Variants in SV2C observed in about 807,000 individuals in gnomAD.
SV2C encodes the protein synaptic vesicle glycoprotein 2C.
In SV2C, 49 loss-of-function variants were observed where a neutral mutation model predicts 79.7. The ratio of observed to expected loss-of-function variants is 0.61; its 90% confidence interval spans 0.49 to 0.78. The LOEUF (loss-of-function observed/expected upper bound fraction) is 0.78. Ranked by LOEUF, SV2C falls within the 30% of genes least tolerant of loss-of-function variation. SV2C has a pLI of 0.00. For missense variants in SV2C, 833 were observed against 912.9 expected, an observed-to-expected ratio of 0.91 and a Z score of 1.13; for synonymous variants, 334 against 333.2, an observed-to-expected ratio of 1.00 and a Z score of -0.03.
the SV2C span, chr5:75,921,127 G>C: frequency 1.2e-6 from 1 of 861,830 alleles, no homozygotes; most frequent in South Asian, 1.5e-5. Context: ...TGGCCTTGCT[G>C]TTTTCAATGT....
the SV2C span, among the ~76,000 whole-genome samples, chr5:75,894,319 A>T: frequency 6.6e-6 from 1 of 152,112 alleles, no homozygotes; most frequent in Non-Finnish European, 1.5e-5. Context: ...AAAAGTTTGC[A>T]GCAATCCAGA....
At chr5:75,971,890 A>G in the SV2C span, among the ~76,000 whole-genome samples, 1 of 152,100 alleles carries the variant, frequency 6.6e-6, no homozygotes, top group Non-Finnish European at 1.5e-5. Flanking sequence ...CCAAAAGAAC[A>G]AAGCTGGAGG....
At chr5:76,201,892 C>A (rs1342964832) in intron 3 of SV2C, among the ~76,000 whole-genome samples, 2 of 151,900 alleles carry the variant, frequency 1.3e-5, no homozygotes, top group Non-Finnish European at 2.9e-5. Context: ...GTGGCAGGCG[C>A]CTGTAGTCCC....
intron 1 of SV2C, among the ~76,000 whole-genome samples, chr5:76,128,345 A>G (rs1253807331): frequency 6.6e-6 from 1 of 152,238 alleles, no homozygotes; most frequent in Non-Finnish European, 1.5e-5. Flanking sequence ...TCTCACAACA[A>G]TTCTCTTTAC....
chr5:76,013,066 T>C, the SV2C span, among the ~76,000 whole-genome samples: 1 of 152,202 alleles, frequency 6.6e-6, no homozygotes, highest in African/African-American at 2.4e-5. Context: ...TCTTTTTACT[T>C]AGGATTGCCT....
intron 4 of SV2C, among the ~76,000 whole-genome samples, chr5:76,282,838 C>T (rs1172384991): frequency 1.3e-5 from 2 of 151,500 alleles, no homozygotes; most frequent in African/African-American, 4.9e-5. Flanking sequence ...GATGAAACCC[C>T]GTCTCTACTA....
chr5:76,312,262 T>TG (rs1748469124), intron 12 of SV2C, among the ~76,000 whole-genome samples: 9 of 150,642 alleles, frequency 6.0e-5, no homozygotes, highest in East Asian at 3.9e-4. Flanking sequence ...CTTTTTTTTT[T>TG]TGGGGGGGGG....
chr5:75,922,456 A>G, the SV2C span, among the ~76,000 whole-genome samples: 37 of 152,362 alleles, frequency 2.4e-4, no homozygotes, highest in Admixed American at 5.2e-4. Flanking sequence ...AGTAAGAAAT[A>G]TAGCAACTGC....
At position 76,299,843 on chromosome 5, in the gene SV2C, C is replaced by G. The variant is rs1410117315; in HGVS notation, c.1637-886C>G. Among the ~76,000 whole-genome samples, 3 of 152,168 alleles carry G rather than the reference C, an allele frequency of 2.0e-5. No homozygotes were observed. In the East Asian group the frequency reaches 5.8e-4, roughly 29 times the overall value. On this transcript the variant is annotated intron_variant, in intron 10 of 12. Transcript: ENST00000502798. The stretch of plus-strand genomic sequence containing the variant: ...AGGAAGATAGTTTCAATTCTCACAG[C>G]CTTTTAGCAGAAACCACCACCATCT...
the SV2C span, among the ~76,000 whole-genome samples, chr5:75,897,930 C>G: frequency 6.6e-6 from 1 of 151,854 alleles, no homozygotes; most frequent in Non-Finnish European, 1.5e-5. Flanking sequence ...TATCCTGAGA[C>G]TTTGCTGAAG....
At chr5:76,214,473 T>A (rs1256962673) in intron 4 of SV2C, among the ~76,000 whole-genome samples, 1 of 152,214 alleles carries the variant, frequency 6.6e-6, no homozygotes, top group East Asian at 1.9e-4. Context: ...GTCTCCAGCT[T>A]TCTTCTTCTT....
At chr5:76,312,453 G>A (rs914102865) in intron 12 of SV2C, among the ~76,000 whole-genome samples, 9 of 151,982 alleles carry the variant, frequency 5.9e-5, no homozygotes, top group East Asian at 1.9e-4. Context: ...GGGTTTCACC[G>A]TGTTGGCCAG....
At chr5:76,205,844 T>C (rs1744592039) in intron 3 of SV2C, among the ~76,000 whole-genome samples, 1 of 152,212 alleles carries the variant, frequency 6.6e-6, no homozygotes. Flanking sequence ...CTGTGAGTTG[T>C]AGGGTGTTTA....
At chr5:76,098,729 G>A (rs1439902141) in intron 1 of SV2C, among the ~76,000 whole-genome samples, 2 of 152,202 alleles carry the variant, frequency 1.3e-5, no homozygotes, top group Non-Finnish European at 2.9e-5. Context: ...CAATAAACCT[G>A]TAAAGGTTAA....
upstream of SV2C, chr5:76,079,066 G>T: frequency 2.5e-6 from 1 of 396,806 alleles, no homozygotes; most frequent in Middle Eastern, 9.3e-4. Context: ...GCGCCTGGTT[G>T]AATATGACAT....
intron 4 of SV2C, among the ~76,000 whole-genome samples, chr5:76,217,781 A>C (rs915314787): frequency 6.6e-6 from 1 of 152,186 alleles, no homozygotes; most frequent in African/African-American, 2.4e-5. Context: ...AAGCTAAGAT[A>C]AAAGAGAACC....
chr5:76,291,132 G>A, intron 6 of SV2C, 89 bp from the exon 7 acceptor site: 1 of 842,716 alleles, frequency 1.2e-6, no homozygotes, highest in Non-Finnish European at 1.8e-6. Context: ...GCCGGAGTCA[G>A]TTTTTGCTCC....
chr5:76,115,265 C>T lies in SV2C; in HGVS notation c.-101-16385C>T, dbSNP rs113192885. ...GTAATTGCTTGACACCAGTATTTGGCTCTATAGCCAAGTTTTAAATATGCA... is the reference window on the plus strand; with the variant it reads ...GTAATTGCTTGACACCAGTATTTGGTTCTATAGCCAAGTTTTAAATATGCA... On this transcript the variant is annotated intron_variant, in intron 1 of 12. Transcript: ENST00000502798. Among the ~76,000 whole-genome samples, 795 of 152,276 alleles carry T rather than the reference C, an allele frequency of 5.2e-3. 5 individuals carry two copies. Among genetic ancestry groups the T allele is most frequent in the African/African-American group, 0.018 (743 of 41,548 alleles).
At chr5:75,983,301 C>T in the SV2C span, among the ~76,000 whole-genome samples, 1 of 152,034 alleles carries the variant, frequency 6.6e-6, no homozygotes, top group Non-Finnish European at 1.5e-5. Context: ...CGAAGAGCAG[C>T]TGTCAGAAAC....
Sources: allele counts gnomAD v4.1 joint callset (sites outside exome capture counted in the v4.1 genomes callset), GRCh38; gene constraint gnomAD v4.1.1; transcripts MANE v1.5; gene names NCBI Gene and HGNC (gene_info 2026-07-23, HGNC 2026-07-21).